Variants in CACNG1 observed in about 807,000 individuals in gnomAD.
CACNG1 encodes the protein voltage-dependent calcium channel gamma-1 subunit.
Under a neutral mutation model 22.0 loss-of-function variants are expected in CACNG1, and 21 were observed. The observed-to-expected ratio is 0.95, with a 90% CI of 0.68 to 1.37. CACNG1 has a LOEUF of 1.37. Among genes scored for constraint, CACNG1 ranks in the 40% most tolerant of loss-of-function variants. The probability of loss-of-function intolerance (pLI) is 0.00; values close to 1 mark genes in which losing one functional copy is unlikely to be tolerated. For missense variants in CACNG1, 291 were observed against 308.6 expected, an observed-to-expected ratio of 0.94 and a Z score of 0.43; for synonymous variants, 127 against 129.2, an observed-to-expected ratio of 0.98 and a Z score of 0.12.
rs371843031 is a variant in CACNG1 at position 67,054,031 on chromosome 17, G to A, written c.265G>A (p.Gly89Ser). 2.9e-5 allele frequency: 46 copies of A among 1,614,004 alleles called. No homozygotes were observed. Among genetic ancestry groups the A allele is most frequent in the South Asian group, 3.3e-5 (3 of 91,080 alleles). Residue 89 changes from glycine to serine, a missense_variant, in exon 2 of 4, where the codon GGC becomes AGC. Coordinates refer to ENST00000226021, the MANE Select transcript of CACNG1 (RefSeq NM_000727.4). This position sits in a 1 kb window ranked among gnomAD's most constrained non-coding sequence, Gnocchi z 4.6. ...NCSYFRHFNP[G>S]ESSEIFEFTT... ...TTCCTACTTCAGGCATTTTAACCCC[G>A]GCGAGAGCTCGGAGATCTTCGAATT...
Position 67,056,794 on chromosome 17 carries a change from A to G in CACNG1, c.*523A>G, listed in dbSNP as rs2035764959. On this transcript the variant is annotated 3_prime_UTR_variant, in exon 4 of 4. Coordinates refer to ENST00000226021, the MANE Select transcript of CACNG1 (RefSeq NM_000727.4). This position sits in a 1 kb window ranked among gnomAD's most constrained non-coding sequence, Gnocchi z 4.3. ...GTGGCTTGAAATAAAAAGCTCTCAG[A>G]AAACTCATGCTTTCCTGGAGCCTTG... The G allele has an allele frequency of 6.5e-6, 1 of 154,754 alleles. No individual in the cohort carries two copies. Among genetic ancestry groups the G allele is most frequent in the African/African-American group, 2.4e-5 (1 of 41,426 alleles). The allele number at this position is 154,754 out of a possible 1,614,324, so 9.6% of individuals were successfully genotyped here. A position where few individuals can be genotyped will look rare whatever the true frequency, so the allele number is the denominator to read the frequency against.
chr17:67,046,848 G>A (rs2035700358), intron 1 of CACNG1, among the ~76,000 whole-genome samples: 2 of 152,212 alleles, frequency 1.3e-5, no homozygotes, highest in Non-Finnish European at 2.9e-5. Flanking sequence ...ACCAATTGCA[G>A]GGGGCCAACA....
rs756364163 is a variant in CACNG1, at chr17:67,056,154, C to T, written c.552C>T (p.Cys184=). 2.0e-5 allele frequency: 32 copies of T among 1,613,812 alleles called. No individual in the cohort carries two copies. The highest frequency in any genetic ancestry group is 9.9e-5 in the South Asian group (9 of 91,068). Residue 184 remains cysteine (C), a synonymous_variant, in exon 4 of 4, where the codon TGC becomes TGT. Coordinates refer to ENST00000226021, the MANE Select transcript of CACNG1 (RefSeq NM_000727.4). The surrounding 1 kb of genome is among the most constrained non-coding windows in gnomAD (Gnocchi z 4.3). ...IEYYYSWSFA[C]ACAAFILLFL... The stretch of plus-strand genomic sequence containing the variant: ...ACTATTACTCCTGGTCCTTTGCCTG[C>T]GCCTGTGCCGCCTTCATCCTCCTCT...
At position 67,055,026 on chromosome 17, in the gene CACNG1, C is replaced by T; in HGVS notation, c.305-77C>T. 21 of 1,445,166 alleles carry T rather than the reference C, an allele frequency of 1.5e-5. No homozygotes were observed. The highest frequency in any genetic ancestry group is 1.8e-5 in the Non-Finnish European group (19 of 1,050,762). The allele number at this position is 1,445,166 out of a possible 1,614,324, so 89.5% of individuals were successfully genotyped here. ...AGACACTGACACACACACTGTGGTG[C>T]ATGGTGTGGTCCCTAACGAGCCATG... On this transcript the variant is annotated intron_variant, in intron 2 of 3. Transcript: ENST00000226021. This position sits in a 1 kb window ranked among gnomAD's most constrained non-coding sequence, Gnocchi z 4.5.
chr17:67,055,272 C>T lies in CACNG1; in HGVS notation c.442+32C>T, dbSNP rs1019508032. Reference sequence around the variant, plus strand: ...TGGGGGATCTGCCTGAGCGCCGGGGCCGGGGGACCATGTCGCGGGGGATTC... The same window carrying T: ...TGGGGGATCTGCCTGAGCGCCGGGGTCGGGGGACCATGTCGCGGGGGATTC... On this transcript the variant is annotated intron_variant, in intron 3 of 3. Transcript: ENST00000226021. The surrounding 1 kb of genome is among the most constrained non-coding windows in gnomAD (Gnocchi z 4.5). The T allele has an allele frequency of 1.3e-6, 2 of 1,598,400 alleles. No individual in the cohort carries two copies. The highest frequency in any genetic ancestry group is 1.3e-5 in the African/African-American group (1 of 74,666).
chr17:67,048,283 C>T (rs1259083506), intron 1 of CACNG1, among the ~76,000 whole-genome samples: 1 of 87,312 alleles, frequency 1.1e-5, no homozygotes, highest in African/African-American at 4.5e-5. Flanking sequence ...TCAACCTGGG[C>T]AATATAGCAA....
rs1357425643 is a variant in CACNG1 at position 67,054,060 on chromosome 17, C to T, written c.294C>T (p.Thr98=). The T allele has an allele frequency of 6.2e-7, 1 of 1,613,914 alleles. No individual in the cohort carries two copies. Among genetic ancestry groups the T allele is most frequent in the Non-Finnish European group, 8.5e-7 (1 of 1,179,822 alleles). Residue 98 remains threonine, a synonymous_variant, in exon 2 of 4, where the codon ACC becomes ACT. Transcript: ENST00000226021. The surrounding 1 kb of genome is among the most constrained non-coding windows in gnomAD (Gnocchi z 4.6). ...AGAGCTCGGAGATCTTCGAATTCAC[C>T]ACTCAGAAGGGTGAGCCTGGGTGGA... ...PGESSEIFEF[T]TQKEYSISAA... is the part of the protein sequence containing the mutation.
chr17:67,047,567 C>G (rs1195750905), intron 1 of CACNG1, among the ~76,000 whole-genome samples: 1 of 152,186 alleles, frequency 6.6e-6, no homozygotes, highest in Non-Finnish European at 1.5e-5. Flanking sequence ...TGGTGATTCC[C>G]TGAAAACCCC....
intron 1 of CACNG1, among the ~76,000 whole-genome samples, chr17:67,051,288 C>T (rs2046795264): frequency 6.6e-6 from 1 of 152,134 alleles, no homozygotes. Flanking sequence ...CAGGACCCTG[C>T]ACCCTCTTGA....
At chr17:67,050,079 G>A (rs1225460653) in intron 1 of CACNG1, among the ~76,000 whole-genome samples, 5 of 152,234 alleles carry the variant, frequency 3.3e-5, no homozygotes, top group African/African-American at 1.2e-4. Context: ...CCTGCCCTTG[G>A]GCTGGGTGAA....
intron 1 of CACNG1, among the ~76,000 whole-genome samples, chr17:67,045,800 G>A (rs1054496349): frequency 2.6e-5 from 4 of 152,120 alleles, no homozygotes; most frequent in African/African-American, 9.6e-5. Flanking sequence ...TGGGATTACA[G>A]ACGTGAGCCA....
At chr17:67,046,731 C>G (rs1462871372) in intron 1 of CACNG1, among the ~76,000 whole-genome samples, 1 of 152,172 alleles carries the variant, frequency 6.6e-6, no homozygotes, top group African/African-American at 2.4e-5. Flanking sequence ...CTGTTACAGT[C>G]CTGTTCACCC....
intron 1 of CACNG1, among the ~76,000 whole-genome samples, chr17:67,052,149 G>T (rs973411213): frequency 6.6e-6 from 1 of 152,212 alleles, no homozygotes; most frequent in Non-Finnish European, 1.5e-5. Context: ...TCTGCATTAT[G>T]CTTTAAAATA....
Position 67,056,101 on chromosome 17 carries a change from G to A in CACNG1, c.499G>A (p.Asp167Asn). 6.2e-7 allele frequency: 1 copy of A among 1,613,656 alleles called. No homozygotes were observed. The highest frequency in any genetic ancestry group is 8.5e-7 in the Non-Finnish European group (1 of 1,179,990). Residue 167 changes from aspartate (D) to asparagine (N), a missense_variant, in exon 4 of 4, where the codon GAC becomes AAC. Physicochemically the swap from Asp to Asn is conservative, Grantham distance 23. Coordinates refer to ENST00000226021, the MANE Select transcript of CACNG1 (RefSeq NM_000727.4). The surrounding 1 kb of genome is among the most constrained non-coding windows in gnomAD (Gnocchi z 4.3). Reference protein sequence around the residue: ...VMRQSVKRMIDSEDTVWIEYY... With the variant: ...VMRQSVKRMINSEDTVWIEYY... ...GCGGCAGTCGGTGAAGCGCATGATT[G>A]ACAGTGAGGACACCGTCTGGATCGA...
At position 67,054,561 on chromosome 17, in the gene CACNG1, C is replaced by T. The variant is rs2035747214; in HGVS notation, c.304+491C>T. ...TGTCGGGAGTACAGACCCGTGCCTGCCTGCGCCCAGACAGCTGCACACAGG... is the reference window on the plus strand; with the variant it reads ...TGTCGGGAGTACAGACCCGTGCCTGTCTGCGCCCAGACAGCTGCACACAGG... On this transcript the variant is annotated intron_variant, in intron 2 of 3. Transcript: ENST00000226021. The surrounding 1 kb of genome is among the most constrained non-coding windows in gnomAD (Gnocchi z 4.6). Among the ~76,000 whole-genome samples the T allele has an allele frequency of 6.6e-6, 1 of 152,142 alleles. No homozygotes were observed. The highest frequency in any genetic ancestry group is 6.6e-5 in the Admixed American group (1 of 15,266).
In CACNG1 at chr17:67,044,686, T is replaced by A. The variant is rs1177447490; in HGVS notation, c.26T>A (p.Val9Asp). The A allele has an allele frequency of 6.2e-7, 1 of 1,608,164 alleles. No homozygotes were observed. The part of the protein sequence containing the change: MSQTKMLK[V>D]RVTLFCILAG... ...ATGTCCCAGACCAAAATGCTGAAGG[T>A]CCGCGTGACCCTCTTCTGCATCCTG... The change falls in exon 1 of 4, where the codon GTC (valine) becomes GAC (aspartate). Residue 9 changes from valine (V) to aspartate (D), a missense_variant. Coordinates refer to ENST00000226021, the MANE Select transcript of CACNG1 (RefSeq NM_000727.4). This position sits in a 1 kb window ranked among gnomAD's most constrained non-coding sequence, Gnocchi z 6.9.
At chr17:67,049,135 T>G (rs1391464103) in intron 1 of CACNG1, among the ~76,000 whole-genome samples, 1 of 152,126 alleles carries the variant, frequency 6.6e-6, no homozygotes, top group Non-Finnish European at 1.5e-5. Context: ...AATCAAACTG[T>G]TGAAAGATAG....
At position 67,044,917 on chromosome 17, in the gene CACNG1, C is replaced by G. The variant is rs758561341; in HGVS notation, c.229+28C>G. Reference sequence around the variant, plus strand: ...AACGTACCCACCCTCCGTCCCGATCCCCACCTCCTGCTCTTCCCCGTCATC... The same window carrying G: ...AACGTACCCACCCTCCGTCCCGATCGCCACCTCCTGCTCTTCCCCGTCATC... On this transcript the variant is annotated intron_variant, in intron 1 of 3. Coordinates refer to ENST00000226021, the MANE Select transcript of CACNG1 (RefSeq NM_000727.4). This position sits in a 1 kb window ranked among gnomAD's most constrained non-coding sequence, Gnocchi z 6.9. The G allele has an allele frequency of 1.0e-5, 16 of 1,557,008 alleles. No homozygotes were observed. Among genetic ancestry groups the G allele is most frequent in the Non-Finnish European group, 1.3e-5 (15 of 1,136,076 alleles).
chr17:67,055,094 T>A lies in CACNG1; in HGVS notation c.305-9T>A. ...GAGGCCGCATGCTGGGTGTCCCTTG[T>A]GTTTGCAGAGTACAGCATCTCGGCA... is the stretch of plus-strand genomic sequence containing the variant. On this transcript the variant is annotated splice_polypyrimidine_tract_variant and intron_variant, in intron 2 of 3. Transcript: ENST00000226021. This position sits in a 1 kb window ranked among gnomAD's most constrained non-coding sequence, Gnocchi z 4.5. 1 of 1,612,140 alleles carries A rather than the reference T, an allele frequency of 6.2e-7. No individual in the cohort carries two copies. The highest frequency in any genetic ancestry group is 2.2e-5 in the East Asian group (1 of 44,814).
Sources: allele counts gnomAD v4.1 joint callset (sites outside exome capture counted in the v4.1 genomes callset), GRCh38; gene constraint gnomAD v4.1.1; non-coding constraint Gnocchi (gnomAD v3.1); transcripts MANE v1.5; gene names NCBI Gene and HGNC (gene_info 2026-07-23, HGNC 2026-07-21).